TMEM181: variants seen among roughly 807,000 people sequenced by gnomAD.
The protein encoded by TMEM181 is G protein-coupled receptor 178.
Under a neutral mutation model 71.9 loss-of-function variants are expected in TMEM181, and 39 were observed. That is an observed-to-expected ratio of 0.54 (90% CI 0.42 to 0.71). The LOEUF (loss-of-function observed/expected upper bound fraction) is 0.71. Among genes scored for constraint, TMEM181 ranks in the 30% least tolerant of loss-of-function variants. TMEM181 has a pLI of 0.00. For missense variants in TMEM181, 595 were observed against 583.0 expected (o/e 1.02, Z -0.21); for synonymous variants, 245 against 228.8 (o/e 1.07, Z -0.64).
chr6:158,573,861 C>T (rs949711003), intron 2 of TMEM181, among the ~76,000 whole-genome samples: 9 of 151,714 alleles, frequency 5.9e-5, no homozygotes, highest in Non-Finnish European at 8.8e-5. Flanking sequence ...AACATGCTGC[C>T]TGGTTGGGGA....
upstream of TMEM181, among the ~76,000 whole-genome samples, chr6:158,559,918 C>T (rs1279071587): frequency 6.6e-6 from 1 of 152,238 alleles, no homozygotes; most frequent in East Asian, 1.9e-4. Flanking sequence ...GTCTTGAGCC[C>T]CAGCTCAGGG....
chr6:158,560,311 C>T lies in TMEM181; in HGVS notation c.8+79C>T, dbSNP rs546062334. The T allele has an allele frequency of 1.9e-4, 191 of 985,236 alleles. No homozygotes were observed. In the African/African-American group the frequency reaches 3.2e-3, roughly 16 times the overall value. 61.0% of individuals were successfully genotyped at this position (985,236 alleles called of 1,614,324 possible). A position where few individuals can be genotyped will look rare whatever the true frequency, so the allele number is the denominator to read the frequency against. ...AAAGTTGGGGATCCCTGGCTCCCGGCGCCGTGCCGCAGGGTCCCTGGCGCC... is the reference window on the plus strand; with the variant it reads ...AAAGTTGGGGATCCCTGGCTCCCGGTGCCGTGCCGCAGGGTCCCTGGCGCC... On this transcript the variant is annotated intron_variant, in intron 1 of 16. Coordinates refer to ENST00000684151, the MANE Select transcript of TMEM181 (RefSeq NM_001376852.1).
At chr6:158,560,712 G>C (rs1257860672) in intron 1 of TMEM181, among the ~76,000 whole-genome samples, 1 of 152,238 alleles carries the variant, frequency 6.6e-6, no homozygotes, top group Non-Finnish European at 1.5e-5. Flanking sequence ...TCTCAGAGGC[G>C]ATTGGTGACG....
At chr6:158,627,109 TCTCA>T (rs1359640120) in intron 13 of TMEM181, among the ~76,000 whole-genome samples, 5 of 107,028 alleles carry the variant, frequency 4.7e-5, no homozygotes, top group Non-Finnish European at 9.5e-5. Context: ...TTTCACCCTC[TCTCA>T]CACCCTCACA....
chr6:158,592,565 C>G (rs929780303), intron 6 of TMEM181, among the ~76,000 whole-genome samples: 2 of 151,952 alleles, frequency 1.3e-5, no homozygotes. Flanking sequence ...ATCTGCCTCC[C>G]GGGTTCAGGC....
intron 9 of TMEM181, 36 bp downstream of exon 9, chr6:158,608,499 C>G (rs1479130450): frequency 1.2e-6 from 2 of 1,613,860 alleles, no homozygotes; most frequent in Admixed American, 3.3e-5. Context: ...GGGGGAGGTT[C>G]CAGACTGTGT....
rs899238629 is a variant in TMEM181, at chr6:158,620,083, A to G, written c.897-3467A>G. On this transcript the variant is annotated intron_variant, in intron 10 of 16. Transcript: ENST00000684151. The surrounding 1 kb of genome is among the most constrained non-coding windows in gnomAD (Gnocchi z 4.5). ...TGTATTGGGACCAGGCCATATTGCA[A>G]TAAAAAACTAAACACTTTGGCTTTA... 1.3e-5 allele frequency among the ~76,000 whole-genome samples: 2 copies of G among 152,168 alleles called. No homozygotes were observed. The highest frequency in any genetic ancestry group is 4.8e-5 in the African/African-American group (2 of 41,434).
chr6:158,552,832 G>C (rs374691714), intron 1 of TMEM181, among the ~76,000 whole-genome samples: 3 of 92,202 alleles, frequency 3.3e-5, no homozygotes, highest in Admixed American at 1.2e-4. Context: ...CATTCGGAAT[G>C]AAAAAACATT....
intron 1 of TMEM181, among the ~76,000 whole-genome samples, chr6:158,554,290 C>T (rs1343370737): frequency 1.3e-5 from 2 of 151,972 alleles, no homozygotes; most frequent in African/African-American, 2.4e-5. Flanking sequence ...TTCACCATGT[C>T]GGTCAGGCTG....
At chr6:158,588,412 G>A (rs1443689882) in intron 5 of TMEM181, among the ~76,000 whole-genome samples, 1 of 152,006 alleles carries the variant, frequency 6.6e-6, no homozygotes, top group Non-Finnish European at 1.5e-5. Flanking sequence ...CTCCTTGTCC[G>A]CCTCCCTGAC....
intron 6 of TMEM181, among the ~76,000 whole-genome samples, chr6:158,592,031 C>CA (rs939449088): frequency 2.0e-5 from 3 of 152,172 alleles, no homozygotes; most frequent in Non-Finnish European, 4.4e-5. Flanking sequence ...CCTTGAATTA[C>CA]ACCACAGCCA....
chr6:158,605,388 C>T (rs920146641), intron 7 of TMEM181, 41 bp downstream of exon 7: 9 of 1,578,428 alleles, frequency 5.7e-6, no homozygotes, highest in Admixed American at 5.0e-5. Flanking sequence ...AGATCCCAGC[C>T]AGGAAGAAGC....
chr6:158,624,784 C>T (rs1355757424), intron 11 of TMEM181, among the ~76,000 whole-genome samples: 1 of 152,236 alleles, frequency 6.6e-6, no homozygotes, highest in Non-Finnish European at 1.5e-5. Flanking sequence ...CCCTCGCCCC[C>T]AGGGGCGAGA....
chr6:158,634,715 A>C lies in TMEM181; in HGVS notation c.*2827A>C, dbSNP rs1786849122. The C allele has an allele frequency of 6.6e-6, 1 of 152,230 alleles. No individual in the cohort carries two copies. The highest frequency in any genetic ancestry group is 2.1e-4 in the South Asian group (1 of 4,832). The allele number at this position is 152,230 out of a possible 1,614,324, so 9.4% of individuals were successfully genotyped here. The stretch of plus-strand genomic sequence containing the variant: ...GTTTGTAAGGTTGTTAATGTACATA[A>C]TTGCAGATTGCAATAAAAGCTTAGA... On this transcript the variant is annotated 3_prime_UTR_variant, in exon 17 of 17. Coordinates refer to ENST00000684151, the MANE Select transcript of TMEM181 (RefSeq NM_001376852.1).
intron 1 of TMEM181, among the ~76,000 whole-genome samples, chr6:158,572,677 A>G (rs896475568): frequency 1.3e-5 from 2 of 152,214 alleles, no homozygotes; most frequent in Non-Finnish European, 2.9e-5. Context: ...CCCTTGATAC[A>G]GGATGTTCTA....
intron 2 of TMEM181, among the ~76,000 whole-genome samples, chr6:158,578,981 G>A (rs535067615): frequency 2.6e-5 from 4 of 151,946 alleles, no homozygotes; most frequent in African/African-American, 7.2e-5. Context: ...GGTCTTGGCC[G>A]GGCATGGTGG....
chr6:158,584,477 C>A (rs568509015), intron 4 of TMEM181, among the ~76,000 whole-genome samples: 1 of 152,334 alleles, frequency 6.6e-6, no homozygotes, highest in South Asian at 2.1e-4. Flanking sequence ...ACACCTCCCC[C>A]ACTTTCACAA....
chr6:158,620,722 ACT>A lies in TMEM181; in HGVS notation c.897-2824_897-2823del, dbSNP rs1438353756. On this transcript the variant is annotated intron_variant, in intron 10 of 16. Coordinates refer to ENST00000684151, the MANE Select transcript of TMEM181 (RefSeq NM_001376852.1). This position sits in a 1 kb window ranked among gnomAD's most constrained non-coding sequence, Gnocchi z 4.5. ...GAAAAGATGGGGTGCATGGCCAGAG[ACT>A]CTCAGGATCCAGGAGTTAACTCAGG... is the stretch of plus-strand genomic sequence containing the variant. Among the ~76,000 whole-genome samples the A allele has an allele frequency of 2.0e-5, 3 of 151,904 alleles. No homozygotes were observed. Among genetic ancestry groups the A allele is most frequent in the Admixed American group, 1.3e-4 (2 of 15,262 alleles).
intron 1 of TMEM181, chr6:158,536,933 G>A: frequency 8.5e-7 from 1 of 1,177,708 alleles, no homozygotes; most frequent in Non-Finnish European, 1.1e-6. Context: ...CCGGGACCCC[G>A]GCGCGCCCCG....
Sources: gnomAD v4.1 joint callset for allele counts (sites outside exome capture counted in the v4.1 genomes callset) on GRCh38, gnomAD v4.1.1 for gene constraint, Gnocchi (gnomAD v3.1) non-coding constraint, MANE v1.5 for transcripts, NCBI Gene and HGNC (gene_info 2026-07-23, HGNC 2026-07-21) for gene names.